NPHP4: variants seen among roughly 807,000 people sequenced by gnomAD.
The protein encoded by NPHP4 is nephrocystin-4.
A neutral mutation model predicts 155.8 loss-of-function variants in NPHP4; 151 were observed. That is an observed-to-expected ratio of 0.97 (90% CI 0.85 to 1.11). The LOEUF (loss-of-function observed/expected upper bound fraction) is 1.11. Ranked by LOEUF, NPHP4 falls within the 50% of genes least tolerant of loss-of-function variation. NPHP4 has a pLI of 0.00. For missense variants in NPHP4, 1,956 were observed against 1,925.7 expected (o/e 1.02, Z -0.29); for synonymous variants, 845 against 816.8 (o/e 1.03, Z -0.59).
At chr1:5,937,267 C>A (rs1646591602) in intron 9 of NPHP4, among the ~76,000 whole-genome samples, 1 of 152,144 alleles carries the variant, frequency 6.6e-6, no homozygotes, top group Admixed American at 6.5e-5. Flanking sequence ...TTAGCCCTAC[C>A]ACACCTGGGG....
chr1:5,866,194 T>C (rs1457015638), intron 26 of NPHP4, 179 bp downstream of exon 26: 3 of 636,080 alleles, frequency 4.7e-6, no homozygotes, highest in African/African-American at 1.8e-5. Flanking sequence ...CAAGGTGCCT[T>C]CCCTAGACCC....
intron 18 of NPHP4, chr1:5,880,670 G>A (rs1188919777): frequency 2.0e-5 from 4 of 202,376 alleles, no homozygotes; most frequent in African/African-American, 4.6e-5. Context: ...CAGGGTGAAA[G>A]AGCCCCCATA....
intron 17 of NPHP4, chr1:5,888,734 G>A: frequency 1.6e-6 from 1 of 620,944 alleles, no homozygotes; most frequent in Non-Finnish European, 2.5e-6. Context: ...CTGGCGACTG[G>A]TTTAAAGGCT....
chr1:5,880,070 C>T (rs1643109898), intron 19 of NPHP4, 44 bp downstream of exon 19: 2 of 1,609,020 alleles, frequency 1.2e-6, no homozygotes, highest in East Asian at 2.2e-5. Context: ...TCTCACCCAC[C>T]ACTCACGACC....
intron 5 of NPHP4, among the ~76,000 whole-genome samples, chr1:5,965,815 C>T (rs1024287723): frequency 1.3e-5 from 2 of 152,208 alleles, no homozygotes; most frequent in Non-Finnish European, 2.9e-5. Context: ...GGAGGGCATG[C>T]AGGGAGGGCT....
chr1:5,976,504 G>A (rs529924155), intron 3 of NPHP4, among the ~76,000 whole-genome samples: 8 of 152,342 alleles, frequency 5.3e-5, no homozygotes, highest in Admixed American at 1.3e-4. Flanking sequence ...AACTCATGGC[G>A]AGCCTCCTGC....
chr1:5,887,135 C>T, intron 18 of NPHP4, 151 bp downstream of exon 18: 1 of 731,462 alleles, frequency 1.4e-6, no homozygotes, highest in East Asian at 2.7e-5. Flanking sequence ...CGGCCAAGGA[C>T]ACAGGCTCCA....
At chr1:5,904,910 G>A in intron 15 of NPHP4, 106 bp from the exon 16 acceptor site, 1 of 1,173,106 alleles carries the variant, frequency 8.5e-7, no homozygotes, top group Non-Finnish European at 1.3e-6. Context: ...TAGTCGCTGG[G>A]GAACAGTAAA....
intron 2 of NPHP4, among the ~76,000 whole-genome samples, chr1:5,983,252 A>G (rs1267221221): frequency 3.3e-5 from 5 of 152,208 alleles, no homozygotes; most frequent in Non-Finnish European, 7.3e-5. Context: ...TCTTTTGTAC[A>G]AAAGAGTTAT....
At chr1:5,970,438 G>C (rs964936858) in intron 3 of NPHP4, among the ~76,000 whole-genome samples, 2 of 152,124 alleles carry the variant, frequency 1.3e-5, no homozygotes, top group African/African-American at 2.4e-5. Context: ...GGGAAGCAGA[G>C]GTTGCAGTAA....
chr1:5,869,946 G>C (rs1641827316), intron 23 of NPHP4, among the ~76,000 whole-genome samples: 1 of 152,182 alleles, frequency 6.6e-6, no homozygotes, highest in Admixed American at 6.5e-5. Context: ...AGAAACAGTA[G>C]TCTGTGCACA....
chr1:5,880,977 A>G (rs1643226603), intron 18 of NPHP4: 1 of 152,222 alleles, frequency 6.6e-6, no homozygotes, highest in South Asian at 2.1e-4. Flanking sequence ...TGTGCCATCA[A>G]TTTCCTTAAT....
rs1644853323 is a variant in NPHP4 at position 5,905,159 on chromosome 1, A to G, written c.1955+133T>C. 3 of 754,556 alleles carry G rather than the reference A, an allele frequency of 4.0e-6. No homozygotes were observed. The highest frequency in any genetic ancestry group is 3.3e-5 in the South Asian group (2 of 59,864). 46.7% of individuals were successfully genotyped at this position (754,556 alleles called of 1,614,324 possible). A position where few individuals can be genotyped will look rare whatever the true frequency, so the allele number is the denominator to read the frequency against. On this transcript the variant is annotated intron_variant, in intron 15 of 29. Coordinates refer to ENST00000378156, the MANE Select transcript of NPHP4 (RefSeq NM_015102.5). This position sits in a 1 kb window ranked among gnomAD's most constrained non-coding sequence, Gnocchi z 4.0. The stretch of plus-strand genomic sequence containing the variant: ...GGTGGGTCCTAGCCAAGAGAAGATA[A>G]AAACAGATGGCACTCCCGAATCTAC...
intron 9 of NPHP4, among the ~76,000 whole-genome samples, chr1:5,946,059 T>G (rs1284183845): frequency 1.3e-5 from 2 of 152,234 alleles, no homozygotes; most frequent in Non-Finnish European, 2.9e-5. Context: ...TTGTTAAATA[T>G]CTTACCGTAC....
At chr1:5,976,034 G>A (rs553587433) in intron 3 of NPHP4, among the ~76,000 whole-genome samples, 1 of 152,258 alleles carries the variant, frequency 6.6e-6, no homozygotes, top group Non-Finnish European at 1.5e-5. Flanking sequence ...CCAGCACCTC[G>A]GTGACTGCAA....
chr1:5,879,224 GC>G (rs1391046015), intron 19 of NPHP4: 1 of 247,496 alleles, frequency 4.0e-6, no homozygotes, highest in African/African-American at 2.3e-5. Flanking sequence ...ACACAAAAGC[GC>G]ACGGCAGCTG....
chr1:5,964,933 A>ATTTTTTTTTTTTTT (rs1327414741), intron 5 of NPHP4, among the ~76,000 whole-genome samples: 1 of 23,782 alleles, frequency 4.2e-5, no homozygotes, highest in African/African-American at 3.1e-4. Context: ...ATATATATAT[A>ATTTTTTTTTTTTTT]TATATATATT....
chr1:5,878,571 C>T (rs1226541652), intron 19 of NPHP4, among the ~76,000 whole-genome samples: 3 of 152,228 alleles, frequency 2.0e-5, no homozygotes, highest in Non-Finnish European at 4.4e-5. Context: ...GCACTGAGAA[C>T]CTTCTTAAAA....
chr1:5,870,284 G>A (rs1641863273), intron 23 of NPHP4, among the ~76,000 whole-genome samples: 1 of 152,192 alleles, frequency 6.6e-6, no homozygotes, highest in Admixed American at 6.5e-5. Context: ...GGCTGCCCTG[G>A]TTAGTCAGGG....
Sources: gnomAD v4.1 joint callset for allele counts (sites outside exome capture counted in the v4.1 genomes callset) on GRCh38, gnomAD v4.1.1 for gene constraint, Gnocchi (gnomAD v3.1) non-coding constraint, MANE v1.5 for transcripts, NCBI Gene and HGNC (gene_info 2026-07-23, HGNC 2026-07-21) for gene names.